Variants in FSCN2 observed in about 807,000 individuals in gnomAD.
FSCN2 encodes fascin-2.
A neutral mutation model predicts 37.8 loss-of-function variants in FSCN2; 46 were observed. The ratio of observed to expected loss-of-function variants is 1.22; its 90% CI spans 0.96 to 1.56. The LOEUF (loss-of-function observed/expected upper bound fraction) is 1.56. Among genes scored for constraint, FSCN2 ranks in the 40% most tolerant of loss-of-function variants. The probability of loss-of-function intolerance (pLI) is 0.00; values close to 1 mark genes in which losing one functional copy is unlikely to be tolerated. For synonymous variants in FSCN2, 351 were observed against 309.4 expected, an observed-to-expected ratio of 1.13 and a Z score of -1.41; for missense variants, 844 against 730.4, an observed-to-expected ratio of 1.16 and a Z score of -1.79.
In FSCN2 at chr17:81,535,112, T is replaced by A. The variant is rs376328590; in HGVS notation, c.887T>A (p.Ile296Asn). 20 of 1,533,616 alleles carry A rather than the reference T, an allele frequency of 1.3e-5. No individual in the cohort carries two copies. Among genetic ancestry groups the A allele is most frequent in the Non-Finnish European group, 1.7e-5 (20 of 1,145,200 alleles). Residue 296 changes from isoleucine (I) to asparagine (N), a missense_variant, in exon 2 of 5, where the codon ATT (isoleucine) becomes AAT (asparagine). Coordinates refer to ENST00000417245, the MANE Select transcript of FSCN2 (RefSeq NM_012418.4). ...ELDHETFLMQ[I>N]DQETKKCTFY... ...GACCACGAGACCTTCCTGATGCAAA[T>A]TGACCAGGAGACAAAGAAGTGCACC...
chr17:81,533,238 C>G (rs564938937), intron 1 of FSCN2, among the ~76,000 whole-genome samples: 34 of 152,202 alleles, frequency 2.2e-4, no homozygotes, highest in Admixed American at 1.8e-3. Flanking sequence ...TGTATCCCCC[C>G]CCATCGGCCA....
Position 81,529,352 on chromosome 17 carries a change from G to A in FSCN2, c.821G>A (p.Arg274Gln), listed in dbSNP as rs782605450. ...GCCAACCACCGCTACGTCTCTGTGC[G>A]GCAAGGTAGGGAGGGCACAGGTGGC... ...VAANHRYVSV[R>Q]QGVNVSANQD... Residue 274 changes from arginine to glutamine, a missense_variant, in exon 1 of 5, where the codon CGG (arginine) becomes CAG (glutamine). Physicochemically the swap from Arg to Gln is conservative, Grantham distance 43 (BLOSUM62 1). Coordinates refer to ENST00000417245, the MANE Select transcript of FSCN2 (RefSeq NM_012418.4). 31 of 1,539,852 alleles carry A rather than the reference G, an allele frequency of 2.0e-5. No individual in the cohort carries two copies. Among genetic ancestry groups the A allele is most frequent in the Admixed American group, 9.5e-5 (5 of 52,662 alleles).
chr17:81,523,795 C>T (rs1330299573), upstream of FSCN2: 1 of 152,366 alleles, frequency 6.6e-6, no homozygotes, highest in Non-Finnish European at 1.5e-5. Context: ...CCCCAGGGCT[C>T]CATTTCCCAG....
chr17:81,522,322 CTT>C, the FSCN2 span, among the ~76,000 whole-genome samples: 4 of 152,216 alleles, frequency 2.6e-5, no homozygotes, highest in Non-Finnish European at 1.5e-5. Flanking sequence ...CAAGGCCTCT[CTT>C]GTTCTCTGCA....
chr17:81,519,414 C>T, the FSCN2 span, among the ~76,000 whole-genome samples: 2 of 152,202 alleles, frequency 1.3e-5, no homozygotes, highest in African/African-American at 4.8e-5. Flanking sequence ...GGGACGCACC[C>T]CCAGGACCAC....
intron 1 of FSCN2, among the ~76,000 whole-genome samples, chr17:81,532,737 G>A (rs1225020108): frequency 6.7e-6 from 1 of 149,028 alleles, no homozygotes; most frequent in African/African-American, 2.6e-5. Flanking sequence ...GATGGTGATG[G>A]TGATGATGAC....
At chr17:81,527,480 C>CTCTG (rs1568072832), upstream of FSCN2, 2 of 152,484 alleles carry the variant, frequency 1.3e-5, no homozygotes, top group Admixed American at 6.5e-5. Context: ...GGGGTACAGC[C>CTCTG]AGGTGGCCCA....
At chr17:81,529,454 C>A in intron 1 of FSCN2, 97 bp downstream of exon 1, 1 of 967,280 alleles carries the variant, frequency 1.0e-6, no homozygotes, top group Non-Finnish European at 1.6e-6. Flanking sequence ...GGTATCGTGT[C>A]TGTGCGTTCA....
At chr17:81,532,146 G>GTGATGGTGATGA (rs1568078742) in intron 1 of FSCN2, among the ~76,000 whole-genome samples, 1 of 132,800 alleles carries the variant, frequency 7.5e-6, no homozygotes, top group Non-Finnish European at 1.6e-5. Context: ...GGTGATGATG[G>GTGATGGTGATGA]TGATGGTGAT....
In FSCN2 at chr17:81,536,949, G is replaced by C; in HGVS notation, c.1348G>C (p.Val450Leu). ...CGACGGCGAACGCGCCGAGGACTTC[G>C]TCTTCGAGTTCCGTGAGCGCGGCCG... ...CSDGERAEDF[V>L]FEFRERGRLA... Residue 450 changes from valine to leucine, a missense_variant, in exon 5 of 5, where the codon GTC becomes CTC. Val to Leu is a conservative substitution (Grantham distance 32). Transcript: ENST00000417245. 6.4e-7 allele frequency: 1 copy of C among 1,566,350 alleles called. No homozygotes were observed. Among genetic ancestry groups the C allele is most frequent in the Non-Finnish European group, 8.6e-7 (1 of 1,164,068 alleles).
At chr17:81,536,364 C>G (rs372681053) in intron 3 of FSCN2, 97 bp downstream of exon 3, 4 of 1,480,594 alleles carry the variant, frequency 2.7e-6, no homozygotes, top group Non-Finnish European at 3.6e-6. Flanking sequence ...GCTGGACCCT[C>G]CCCAGCCCAC....
chr17:81,515,375 CG>C, the FSCN2 span, among the ~76,000 whole-genome samples: 1 of 152,170 alleles, frequency 6.6e-6, no homozygotes, highest in Non-Finnish European at 1.5e-5. Context: ...CCTCCGGAGC[CG>C]GGAGAGTCGG....
Position 81,529,203 on chromosome 17 carries a change from C to A in FSCN2, c.672C>A (p.Cys224Ter), listed in dbSNP as rs782186118. 8 of 1,596,158 alleles carry A rather than the reference C, an allele frequency of 5.0e-6. No homozygotes were observed. Among genetic ancestry groups the A allele is most frequent in the Non-Finnish European group, 6.0e-6 (7 of 1,172,224 alleles). ...FKAGKLAFKD[C>*]DGHYLAPVGP... The stretch of plus-strand genomic sequence containing the variant: ...CGGGCAAGCTGGCCTTCAAGGACTG[C>A]GACGGCCACTACCTGGCACCCGTGG... The change falls in exon 1 of 5, where the codon TGC (cysteine) becomes TGA (stop). Residue 224 changes from cysteine to a stop codon, truncating the protein, a stop_gained. Coordinates refer to ENST00000417245, the MANE Select transcript of FSCN2 (RefSeq NM_012418.4). LOFTEE classifies it high-confidence loss of function.
At chr17:81,528,255 A>T (rs2032414127), upstream of FSCN2, 1 of 461,594 alleles carries the variant, frequency 2.2e-6, no homozygotes, top group African/African-American at 2.0e-5. Flanking sequence ...GAGTGGCTGA[A>T]ATCCAAGCTG....
chr17:81,535,951 C>T (rs1473602838), intron 2 of FSCN2, among the ~76,000 whole-genome samples, 195 bp from the exon 3 acceptor site: 2 of 151,232 alleles, frequency 1.3e-5, no homozygotes, highest in East Asian at 1.9e-4. Flanking sequence ...ATCACTGCCT[C>T]GGCCATGAGG....
intron 3 of FSCN2, 88 bp from the exon 4 acceptor site, chr17:81,536,534 G>A: frequency 6.4e-7 from 1 of 1,568,698 alleles, no homozygotes; most frequent in South Asian, 1.2e-5. Flanking sequence ...CTAAGTCCAG[G>A]TGTGGCGTTT....
chr17:81,532,185 GTGGTGA>G (rs557150001), intron 1 of FSCN2, among the ~76,000 whole-genome samples: 60 of 115,714 alleles, frequency 5.2e-4, no homozygotes, highest in Admixed American at 3.4e-3. Context: ...GGTGATGGTG[GTGGTGA>G]TGGTGGTGGT....
At chr17:81,524,226 G>A (rs539802457), upstream of FSCN2, among the ~76,000 whole-genome samples, 2 of 152,256 alleles carry the variant, frequency 1.3e-5, no homozygotes, top group South Asian at 2.1e-4. Context: ...GATGGAGGCC[G>A]AGGCTCAGGC....
chr17:81,515,814 C>G, the FSCN2 span, among the ~76,000 whole-genome samples: 1 of 152,274 alleles, frequency 6.6e-6, no homozygotes, highest in South Asian at 2.1e-4. Context: ...CTCTGTCACT[C>G]TACCTGCCTG....
Sources: allele counts gnomAD v4.1 joint callset (sites outside exome capture counted in the v4.1 genomes callset), GRCh38; gene constraint gnomAD v4.1.1; transcripts MANE v1.5; gene names NCBI Gene and HGNC (gene_info 2026-07-23, HGNC 2026-07-21).